MGST1: variants seen among roughly 807,000 people sequenced by gnomAD.
The protein encoded by MGST1 is glutathione S-transferase 12.
In MGST1, 5 loss-of-function variants were observed where a neutral mutation model predicts 8.9. The observed-to-expected ratio is 0.56, with a 90% CI of 0.29 to 1.19. MGST1 has a LOEUF of 1.19. MGST1 is among the 50% of genes most tolerant of loss of function. The probability of loss-of-function intolerance (pLI) is 0.08; values close to 1 mark genes in which losing one functional copy is unlikely to be tolerated. For synonymous variants in MGST1, 54 were observed against 67.8 expected (o/e 0.80, Z 1.00); for missense variants, 182 against 187.4 (o/e 0.97, Z 0.17).
chr12:16,516,116 G>A (rs1364115082), intron 4 of MGST1, among the ~76,000 whole-genome samples: 1 of 152,054 alleles, frequency 6.6e-6, no homozygotes, highest in Non-Finnish European at 1.5e-5. Flanking sequence ...CCAGACTTGG[G>A]TTGTATGCCC....
At chr12:16,371,944 T>C (rs1023135883) in intron 3 of MGST1, among the ~76,000 whole-genome samples, 2 of 152,054 alleles carry the variant, frequency 1.3e-5, no homozygotes, top group African/African-American at 4.8e-5. Context: ...AAGAACAGTC[T>C]CTTCAATAAA....
chr12:16,360,331 G>T, intron 3 of MGST1: 1 of 984,488 alleles, frequency 1.0e-6, no homozygotes, highest in Non-Finnish European at 1.2e-6. Context: ...TAGCATATTT[G>T]AACGGCAGAG....
downstream of MGST1, among the ~76,000 whole-genome samples, chr12:16,439,947 G>C (rs1941025578): frequency 6.6e-6 from 1 of 151,638 alleles, no homozygotes; most frequent in South Asian, 2.1e-4. Context: ...TGGCTCTTCA[G>C]CAAAGCCTTT....
At chr12:16,590,108 G>C (rs1943443817), downstream of MGST1, among the ~76,000 whole-genome samples, 1 of 151,960 alleles carries the variant, frequency 6.6e-6, no homozygotes, top group Non-Finnish European at 1.5e-5. Flanking sequence ...ACTTTGATTT[G>C]TACCCAAAGT....
At chr12:16,365,000 G>T, downstream of MGST1, among the ~76,000 whole-genome samples, 1 of 151,982 alleles carries the variant, frequency 6.6e-6, no homozygotes, top group Non-Finnish European at 1.5e-5. This position sits in a 1 kb window ranked among gnomAD's most constrained non-coding sequence, Gnocchi z 5.7. Flanking sequence ...CAGTTTTGGT[G>T]GTGTGTCCTT....
chr12:16,543,272 C>T (rs1435050528), intron 4 of MGST1, among the ~76,000 whole-genome samples: 1 of 152,116 alleles, frequency 6.6e-6, no homozygotes, highest in Admixed American at 6.6e-5. Context: ...TAGACACATA[C>T]ATGGAACTCA....
chr12:16,418,758 C>T (rs1940807054), intron 1 of MGST1, among the ~76,000 whole-genome samples: 1 of 152,046 alleles, frequency 6.6e-6, no homozygotes, highest in Non-Finnish European at 1.5e-5. Flanking sequence ...AATAATAATG[C>T]CTAACTCTTA....
At chr12:16,468,110 C>T (rs1469139652) in intron 4 of MGST1, among the ~76,000 whole-genome samples, 1 of 152,090 alleles carries the variant, frequency 6.6e-6, no homozygotes, top group African/African-American at 2.4e-5. Flanking sequence ...CTCTACAATG[C>T]CCTTGAGGAA....
chr12:16,370,079 A>G (rs571615475), intron 3 of MGST1: 60 of 152,324 alleles, frequency 3.9e-4, no homozygotes, highest in African/African-American at 1.4e-3. Flanking sequence ...ACACATGTAA[A>G]AGCATTTTAT....
At chr12:16,488,664 T>C (rs970789250) in intron 4 of MGST1, among the ~76,000 whole-genome samples, 18 of 152,108 alleles carry the variant, frequency 1.2e-4, no homozygotes, top group Admixed American at 1.3e-4. Context: ...AATTAATACA[T>C]ATTATTTTAA....
At chr12:16,572,450 A>C (rs1181252556) in intron 4 of MGST1, among the ~76,000 whole-genome samples, 1 of 145,992 alleles carries the variant, frequency 6.8e-6, no homozygotes, top group East Asian at 2.0e-4. Flanking sequence ...CAGAGCTACT[A>C]AGCTATTTCC....
At position 16,351,837 on chromosome 12, in the gene MGST1, A is replaced by G. The variant is rs565441295; in HGVS notation, c.-22-2394A>G. On this transcript the variant is annotated intron_variant, in intron 1 of 3. Transcript: ENST00000396210. ...AAAAAGAAAAGAAAAGGAAACAAAA[A>G]TAGGGGTTACTTAGGTAGCTTTGAT... Among the ~76,000 whole-genome samples, 74 of 152,164 alleles carry G rather than the reference A, an allele frequency of 4.9e-4. 1 individual carries two copies. The highest frequency in any genetic ancestry group is 6.8e-3 in the Middle Eastern group (2 of 294).
chr12:16,411,770 G>A (rs939326529), intron 1 of MGST1, among the ~76,000 whole-genome samples: 21 of 152,144 alleles, frequency 1.4e-4, no homozygotes, highest in Non-Finnish European at 1.5e-5. Flanking sequence ...ATGTATATTA[G>A]AATTGTATTC....
intron 4 of MGST1, among the ~76,000 whole-genome samples, chr12:16,485,163 T>C (rs1285206929): frequency 6.6e-6 from 1 of 152,236 alleles, no homozygotes; most frequent in Non-Finnish European, 1.5e-5. Context: ...TGAACGCACA[T>C]TCTATGGACA....
intron 1 of MGST1, among the ~76,000 whole-genome samples, chr12:16,396,850 G>T (rs192559666): frequency 5.7e-4 from 87 of 152,118 alleles, no homozygotes; most frequent in Non-Finnish European, 1.0e-3. Context: ...TTGTGAAAAC[G>T]ACCATACTGC....
intron 4 of MGST1, among the ~76,000 whole-genome samples, chr12:16,495,670 C>T (rs943436169): frequency 1.3e-5 from 2 of 151,734 alleles, no homozygotes; most frequent in Middle Eastern, 3.2e-3. Flanking sequence ...ACTCTTTCAT[C>T]CCTCAGGGTC....
At chr12:16,354,165 A>G in intron 1 of MGST1, 66 bp from the exon 2 acceptor site, 1 of 1,180,736 alleles carries the variant, frequency 8.5e-7, no homozygotes, top group East Asian at 2.5e-5. Flanking sequence ...AAGAACATCA[A>G]ATGATCTTCC....
chr12:16,482,120 T>G lies in MGST1; in HGVS notation n.482+98516T>G, dbSNP rs1443999760. Among the ~76,000 whole-genome samples the G allele has an allele frequency of 6.6e-6, 1 of 152,302 alleles. No individual in the cohort carries two copies. Among genetic ancestry groups the G allele is most frequent in the South Asian group, 2.1e-4 (1 of 4,832 alleles). On this transcript the variant is annotated intron_variant and non_coding_transcript_variant, in intron 4 of 4. Coordinates refer to the MGST1 transcript ENST00000538857. The surrounding 1 kb of genome is among the most constrained non-coding windows in gnomAD (Gnocchi z 4.2). ...ATAAAATTGTATTCTAGCTAAATTT[T>G]ACTTAAAACGCTGAAGGAAAATAAA...
At position 16,497,621 on chromosome 12, in the gene MGST1, G is replaced by T. The variant is rs1342970259; in HGVS notation, n.483-91907G>T. On this transcript the variant is annotated intron_variant and non_coding_transcript_variant, in intron 4 of 4. Transcript: ENST00000538857. This position sits in a 1 kb window ranked among gnomAD's most constrained non-coding sequence, Gnocchi z 4.4. ...GATTGTTTTCTGAATTTATAGAAAA[G>T]GGAGTTTTAACTAGGTCGTGGGCCA... 6.6e-6 allele frequency among the ~76,000 whole-genome samples: 1 copy of T among 152,132 alleles called. No homozygotes were observed. The highest frequency in any genetic ancestry group is 1.9e-4 in the East Asian group (1 of 5,198).
Sources: gnomAD v4.1 joint callset for allele counts (sites outside exome capture counted in the v4.1 genomes callset) on GRCh38, gnomAD v4.1.1 for gene constraint, Gnocchi (gnomAD v3.1) non-coding constraint, MANE v1.5 for transcripts, NCBI Gene and HGNC (gene_info 2026-07-23, HGNC 2026-07-21) for gene names.